The following AUTS2 variants were observed in gnomAD, a reference collection of about 807,000 sequenced individuals.
AUTS2 encodes the protein activator of transcription and developmental regulator AUTS2.
A neutral mutation model predicts 112.4 loss-of-function variants in AUTS2; 17 were observed. That is an observed-to-expected ratio of 0.15 (90% confidence interval 0.10 to 0.23). AUTS2 has a LOEUF of 0.23. Ranked by LOEUF, AUTS2 falls within the 10% of genes least tolerant of loss-of-function variation. The pLI is 1.00. For missense variants in AUTS2, 1,510 were observed against 1,701.6 expected, an observed-to-expected ratio of 0.89 and a Z score of 1.98; for synonymous variants, 751 against 702.7, an observed-to-expected ratio of 1.07 and a Z score of -1.09.
intron 1 of AUTS2, among the ~76,000 whole-genome samples, chr7:69,831,282 A>C (rs530169302): frequency 6.6e-6 from 1 of 152,186 alleles, no homozygotes; most frequent in Non-Finnish European, 1.5e-5. Context: ...ACCCTGACAG[A>C]AGCTCTGATA....
intron 4 of AUTS2, among the ~76,000 whole-genome samples, chr7:70,221,680 A>C (rs1290618101): frequency 1.3e-5 from 2 of 152,236 alleles, no homozygotes; most frequent in African/African-American, 4.8e-5. Context: ...TGAGGTCAGG[A>C]GTTTGAGGCC....
At chr7:70,765,143 G>T in intron 8 of AUTS2, 138 bp downstream of exon 8, 1 of 1,209,346 alleles carries the variant, frequency 8.3e-7, no homozygotes, top group Non-Finnish European at 1.1e-6. Flanking sequence ...TTCCTCAAAC[G>T]CTCTCTGGCC....
chr7:70,484,262 A>G (rs899480707), intron 5 of AUTS2, among the ~76,000 whole-genome samples: 2 of 152,204 alleles, frequency 1.3e-5, no homozygotes, highest in African/African-American at 4.8e-5. Flanking sequence ...ATAAATTTGT[A>G]TTTTACAGCC....
chr7:70,244,948 C>T (rs1484296697), intron 4 of AUTS2, among the ~76,000 whole-genome samples: 1 of 151,470 alleles, frequency 6.6e-6, no homozygotes, highest in African/African-American at 2.4e-5. Flanking sequence ...GGTAAAACCC[C>T]GTCTCTACTA....
At chr7:70,704,741 A>C (rs551011423) in intron 6 of AUTS2, among the ~76,000 whole-genome samples, 4 of 152,356 alleles carry the variant, frequency 2.6e-5, no homozygotes, top group African/African-American at 9.6e-5. Context: ...TCCTAAATGG[A>C]GGAAGCCCGT....
At chr7:70,159,054 TGCCGTA>T (rs1429169460) in intron 4 of AUTS2, among the ~76,000 whole-genome samples, 1 of 152,218 alleles carries the variant, frequency 6.6e-6, no homozygotes, top group Non-Finnish European at 1.5e-5. Context: ...TGATTGCTTT[TGCCGTA>T]GCATCAACCT....
chr7:69,871,217 G>A (rs1453624628), intron 1 of AUTS2, among the ~76,000 whole-genome samples: 1 of 152,122 alleles, frequency 6.6e-6, no homozygotes, highest in African/African-American at 2.4e-5. Context: ...GTAAGAAAAG[G>A]TATGTTAGGA....
At chr7:70,507,310 G>A (rs547177981) in intron 5 of AUTS2, among the ~76,000 whole-genome samples, 44 of 151,750 alleles carry the variant, frequency 2.9e-4, no homozygotes, top group Non-Finnish European at 4.4e-4. Flanking sequence ...AGGCTGAGGC[G>A]GGAGGATCGC....
At chr7:70,007,264 C>A (rs750189111) in intron 2 of AUTS2, among the ~76,000 whole-genome samples, 3 of 152,132 alleles carry the variant, frequency 2.0e-5, no homozygotes, top group Non-Finnish European at 4.4e-5. Context: ...TCTGTCCCCC[C>A]CTAAATCATG....
intron 1 of AUTS2, among the ~76,000 whole-genome samples, chr7:69,822,382 T>A (rs1408372286): frequency 1.3e-5 from 2 of 152,154 alleles, no homozygotes; most frequent in Non-Finnish European, 2.9e-5. Context: ...AGCTACCTGG[T>A]AGGTCAAGGT....
At chr7:69,667,180 TC>T (rs1002865891) in intron 1 of AUTS2, among the ~76,000 whole-genome samples, 1 of 151,970 alleles carries the variant, frequency 6.6e-6, no homozygotes, top group Non-Finnish European at 1.5e-5. Context: ...CTATCCCTAC[TC>T]CCACAATAAC....
chr7:70,141,374 A>G (rs574908376), intron 4 of AUTS2, among the ~76,000 whole-genome samples: 2 of 152,306 alleles, frequency 1.3e-5, no homozygotes, highest in Admixed American at 1.3e-4. Context: ...GTTAGTCCCC[A>G]GAAGAGGAGA....
At chr7:70,162,969 G>C (rs923461109) in intron 4 of AUTS2, among the ~76,000 whole-genome samples, 7 of 152,094 alleles carry the variant, frequency 4.6e-5, no homozygotes, top group Admixed American at 3.3e-4. Context: ...TGTTTATTTG[G>C]TTTGTAATTA....
chr7:70,134,700 C>T, intron 4 of AUTS2, 129 bp downstream of exon 4: 2 of 867,728 alleles, frequency 2.3e-6, no homozygotes, highest in South Asian at 1.5e-5. Flanking sequence ...AGACTGATTT[C>T]CATTCTTTAT....
At chr7:70,167,443 G>T (rs575238088) in intron 4 of AUTS2, among the ~76,000 whole-genome samples, 1 of 152,096 alleles carries the variant, frequency 6.6e-6, no homozygotes, top group Admixed American at 6.5e-5. Context: ...AGAATTATAG[G>T]AAGAATAGAC....
intron 5 of AUTS2, among the ~76,000 whole-genome samples, chr7:70,608,669 G>C (rs1441847470): frequency 1.3e-5 from 2 of 152,214 alleles, no homozygotes; most frequent in Non-Finnish European, 2.9e-5. Flanking sequence ...CATTCTGTGT[G>C]GGATTGGGAA....
intron 1 of AUTS2, among the ~76,000 whole-genome samples, chr7:69,606,900 T>G (rs975670128): frequency 1.3e-5 from 2 of 152,228 alleles, no homozygotes; most frequent in African/African-American, 4.8e-5. Flanking sequence ...TTAAGACTGG[T>G]GAGACCCTAA....
intron 4 of AUTS2, among the ~76,000 whole-genome samples, chr7:70,144,196 C>T (rs1325622832): frequency 1.3e-5 from 2 of 152,008 alleles, no homozygotes; most frequent in East Asian, 1.9e-4. Context: ...TTACTTTTTC[C>T]TACCTTTGTG....
At chr7:70,787,603 T>TA (rs1478767174) in intron 18 of AUTS2, among the ~76,000 whole-genome samples, 172 bp downstream of exon 18, 6 of 152,062 alleles carry the variant, frequency 3.9e-5, no homozygotes, top group African/African-American at 1.4e-4. Context: ...CCATGGCCCA[T>TA]AGCATATGGT....
Sources: allele counts gnomAD v4.1 joint callset (sites outside exome capture counted in the v4.1 genomes callset), GRCh38; gene constraint gnomAD v4.1.1; transcripts MANE v1.5; gene names NCBI Gene and HGNC (gene_info 2026-07-23, HGNC 2026-07-21).